NOC4L: variants seen among roughly 807,000 people sequenced by gnomAD.
NOC4L encodes the protein nucleolar complex protein 4 homolog.
NOC4L carries 40 observed loss-of-function variants against 62.8 expected under a neutral mutation model. The observed-to-expected ratio is 0.64, with a 90% CI of 0.49 to 0.83. The LOEUF (loss-of-function observed/expected upper bound fraction) is 0.83. Ranked by LOEUF, NOC4L falls within the 40% of genes least tolerant of loss-of-function variation. The pLI, the probability that NOC4L is intolerant of heterozygous loss-of-function variation, is 0.00. For synonymous variants in NOC4L, 433 were observed against 299.8 expected (o/e 1.44, Z -4.59); for missense variants, 927 against 701.9 (o/e 1.32, Z -3.62).
In NOC4L at chr12:132,147,295, C is replaced by T. The variant is rs368608367; in HGVS notation, c.360C>T (p.Ser120=). ...CCCCTTCCCAGGAGCTGGCCCTCAG[C>T]GCACTCCTGAAGTTCGTGCAGCTGG... ...PSFQVKELAL[S]ALLKFVQLEG... is the part of the protein sequence containing the mutation. The change falls in exon 4 of 15, where the codon AGC becomes AGT. Residue 120 remains serine, a synonymous_variant. Coordinates refer to ENST00000330579, the MANE Select transcript of NOC4L (RefSeq NM_024078.3). 49 of 1,559,066 alleles carry T rather than the reference C, an allele frequency of 3.1e-5. No homozygotes were observed. Among genetic ancestry groups the T allele is most frequent in the South Asian group, 1.3e-4 (11 of 84,764 alleles).
chr12:132,147,780 G>C lies in NOC4L; in HGVS notation c.601G>C (p.Glu201Gln). ...AVARVTGQHP[E>Q]VPPAFWNNAF... ...GGCCCGGGTCACTGGCCAGCACCCCGAGGTGGGTGATGGGGTCCTGTCGCC... is the reference window on the plus strand; with the variant it reads ...GGCCCGGGTCACTGGCCAGCACCCCCAGGTGGGTGATGGGGTCCTGTCGCC... Residue 201 changes from glutamate to glutamine, a missense_variant and splice_region_variant, in exon 5 of 15, where the codon GAG becomes CAG. Transcript: ENST00000330579. 6.2e-7 allele frequency: 1 copy of C among 1,612,432 alleles called. No individual in the cohort carries two copies.
At chr12:132,145,772 CT>C in intron 3 of NOC4L, 107 bp downstream of exon 3, 4 of 730,094 alleles carry the variant, frequency 5.5e-6, no homozygotes, top group Non-Finnish European at 6.9e-6. Context: ...GGCAAAGCTG[CT>C]TCCTTCATGG....
intron 4 of NOC4L, 71 bp downstream of exon 4, chr12:132,147,459 G>C: frequency 2.7e-6 from 4 of 1,467,946 alleles, no homozygotes; most frequent in Non-Finnish European, 3.7e-6. Context: ...CCCGTAGTGG[G>C]GGCGGGGCCT....
intron 3 of NOC4L, among the ~76,000 whole-genome samples, chr12:132,146,567 C>T (rs1897735503): frequency 6.6e-6 from 1 of 152,178 alleles, no homozygotes; most frequent in Non-Finnish European, 1.5e-5. Context: ...CGCTATCTTA[C>T]CCTCCCCCTG....
chr12:132,152,344 C>G lies in NOC4L; in HGVS notation c.1494C>G (p.Ala498=), dbSNP rs773723447. ...PEPVPLEFIP[A]QGLLGRPGEL... is the part of the protein sequence containing the mutation. The stretch of plus-strand genomic sequence containing the variant: ...CGGTGCCACTGGAGTTTATCCCAGC[C>G]CAGGGCCTGCTGGGACGGCCGGGTG... The change falls in exon 15 of 15, where the codon GCC becomes GCG. Residue 498 remains alanine, a synonymous_variant. Coordinates refer to ENST00000330579, the MANE Select transcript of NOC4L (RefSeq NM_024078.3). The G allele has an allele frequency of 6.4e-7, 1 of 1,570,302 alleles. No individual in the cohort carries two copies. Among genetic ancestry groups the G allele is most frequent in the East Asian group, 2.4e-5 (1 of 42,324 alleles).
intron 3 of NOC4L, 119 bp from the exon 4 acceptor site, chr12:132,147,162 C>T (rs1897754344): frequency 8.9e-6 from 6 of 677,762 alleles, no homozygotes; most frequent in South Asian, 7.3e-5. Flanking sequence ...CAAGAGAAGG[C>T]CCGGCCGCCC....
rs1024399799 is a variant in NOC4L, at chr12:132,147,313, G to A, written c.378G>A (p.Val126=). The A allele has an allele frequency of 1.6e-5, 26 of 1,583,600 alleles. No homozygotes were observed. Among genetic ancestry groups the A allele is most frequent in the Non-Finnish European group, 2.1e-5 (25 of 1,164,456 alleles). ...CCCTCAGCGCACTCCTGAAGTTCGT[G>A]CAGCTGGAAGGAGCGCACCCCCTGG... ...ELALSALLKF[V]QLEGAHPLEK... The change falls in exon 4 of 15, where the codon GTG becomes GTA. Residue 126 remains valine (V), a synonymous_variant. Transcript: ENST00000330579.
intron 13 of NOC4L, 40 bp downstream of exon 13, chr12:132,151,860 A>G: frequency 6.9e-6 from 11 of 1,584,226 alleles, no homozygotes; most frequent in Non-Finnish European, 9.5e-6. Context: ...CTCCCGAGCC[A>G]TCCTTCGGCC....
Position 132,144,848 on chromosome 12 carries a change from C to T in NOC4L, c.118-6C>T, listed in dbSNP as rs200405289. The T allele has an allele frequency of 4.3e-4, 694 of 1,598,698 alleles. 2 individuals carry two copies. Among genetic ancestry groups the T allele is most frequent in the Non-Finnish European group, 4.3e-4 (503 of 1,174,916 alleles). ...GCCGGGCACCCTGCCGCCGCCTCTCCTGCAGTCTGAGGACCAGGAGGAGAT... is the reference window on the plus strand; with the variant it reads ...GCCGGGCACCCTGCCGCCGCCTCTCTTGCAGTCTGAGGACCAGGAGGAGAT... On this transcript the variant is annotated splice_region_variant and splice_polypyrimidine_tract_variant and intron_variant, in intron 1 of 14. Coordinates refer to ENST00000330579, the MANE Select transcript of NOC4L (RefSeq NM_024078.3).
At chr12:132,150,906 T>G in intron 9 of NOC4L, 75 bp from the exon 10 acceptor site, 1 of 1,123,426 alleles carries the variant, frequency 8.9e-7, no homozygotes, top group Non-Finnish European at 1.3e-6. Context: ...CTCCACAGAC[T>G]TACACTCAGT....
At chr12:132,145,066 A>C (rs1897658066) in intron 2 of NOC4L, 92 bp downstream of exon 2, 1 of 1,469,162 alleles carries the variant, frequency 6.8e-7, no homozygotes, top group East Asian at 2.5e-5. Context: ...CAACCCTGGC[A>C]CAGGCCGTGC....
chr12:132,146,945 A>C (rs1897747251), intron 3 of NOC4L, among the ~76,000 whole-genome samples: 1 of 152,092 alleles, frequency 6.6e-6, no homozygotes, highest in South Asian at 2.1e-4. Context: ...CTGTGTTTTC[A>C]CAGCTGTTCC....
At chr12:132,144,803 G>A in intron 1 of NOC4L, 51 bp from the exon 2 acceptor site, 1 of 1,573,558 alleles carries the variant, frequency 6.4e-7, no homozygotes, top group South Asian at 1.2e-5. Context: ...CCTAGGCAGG[G>A]GCGAAGGTGA....
chr12:132,145,608 T>C lies in NOC4L; in HGVS notation c.288T>C (p.Tyr96=). 6.2e-7 allele frequency: 1 copy of C among 1,613,566 alleles called. No individual in the cohort carries two copies. The highest frequency in any genetic ancestry group is 8.5e-7 in the Non-Finnish European group (1 of 1,179,926). ...ACAAGGTGTGGATGAGACACCGCTA[T>C]CACAGCTGCTGCAATCGCTTGGGAG... ...RKYKVWMRHR[Y]HSCCNRLGEL... Residue 96 remains tyrosine, a synonymous_variant, in exon 3 of 15, where the codon TAT becomes TAC. Transcript: ENST00000330579.
chr12:132,144,827 G>A (rs747577997), intron 1 of NOC4L, 27 bp from the exon 2 acceptor site: 2 of 1,586,694 alleles, frequency 1.3e-6, no homozygotes, highest in Admixed American at 1.8e-5. Context: ...TTGGCGGCCG[G>A]GCACCCTGCC....
intron 13 of NOC4L, 98 bp from the exon 14 acceptor site, chr12:132,151,986 G>T: frequency 7.5e-7 from 1 of 1,325,334 alleles, no homozygotes; most frequent in South Asian, 1.3e-5. Flanking sequence ...GCTCCGTCCC[G>T]ACCCCGCCCA....
At position 132,147,370 on chromosome 12, in the gene NOC4L, C is replaced by T. The variant is rs1447767877; in HGVS notation, c.435C>T (p.Phe145=). ...EKSKWEGNYL[F]PRELFKLVVG... is the part of the protein sequence containing the mutation. ...CCAAGTGGGAAGGCAACTACCTGTT[C>T]CCCCGAGAGCTCTTCAAGGTGAGGG... Residue 145 remains phenylalanine, a synonymous_variant, in exon 4 of 15, where the codon TTC becomes TTT. Coordinates refer to ENST00000330579, the MANE Select transcript of NOC4L (RefSeq NM_024078.3). The T allele has an allele frequency of 6.3e-7, 1 of 1,593,940 alleles. No homozygotes were observed. The highest frequency in any genetic ancestry group is 8.5e-7 in the Non-Finnish European group (1 of 1,169,866).
rs1172034376 is a variant in NOC4L, at chr12:132,151,409, C to T, written c.1073+41C>T. 4 of 1,603,174 alleles carry T rather than the reference C, an allele frequency of 2.5e-6. No homozygotes were observed. In the East Asian group the frequency reaches 6.7e-5, roughly 27 times the overall value. Reference sequence around the variant, plus strand: ...CCTGGCTCTGCCCTGCTCTGTGCGGCTGCAGCCTGGGGCCAGGGGAGGGTG... The same window carrying T: ...CCTGGCTCTGCCCTGCTCTGTGCGGTTGCAGCCTGGGGCCAGGGGAGGGTG... On this transcript the variant is annotated intron_variant, in intron 11 of 14. Coordinates refer to ENST00000330579, the MANE Select transcript of NOC4L (RefSeq NM_024078.3).
chr12:132,145,180 C>T lies in NOC4L; in HGVS notation c.238+206C>T, dbSNP rs541495919. 2.6e-5 allele frequency among the ~76,000 whole-genome samples: 4 copies of T among 152,282 alleles called. No individual in the cohort carries two copies. In the East Asian group the frequency reaches 5.8e-4, roughly 22 times the overall value. The stretch of plus-strand genomic sequence containing the variant: ...CAGCTGAGTGTAGATGAACACTGGA[C>T]AAGGTACGACTTTTTGTGTGCTTTG... On this transcript the variant is annotated intron_variant, in intron 2 of 14. Coordinates refer to ENST00000330579, the MANE Select transcript of NOC4L (RefSeq NM_024078.3).
Sources: allele counts gnomAD v4.1 joint callset (sites outside exome capture counted in the v4.1 genomes callset), GRCh38; gene constraint gnomAD v4.1.1; transcripts MANE v1.5; gene names NCBI Gene and HGNC (gene_info 2026-07-23, HGNC 2026-07-21).